HTRA1: variants seen among roughly 807,000 people sequenced by gnomAD.
HTRA1 encodes HtrA serine peptidase 1, also known as serine protease HTRA1.
A neutral mutation model predicts 49.7 loss-of-function variants in HTRA1; 26 were observed. The ratio of observed to expected loss-of-function variants is 0.52; its 90% CI spans 0.38 to 0.73. HTRA1 has a LOEUF of 0.73. Among genes scored for constraint, HTRA1 ranks in the 30% least tolerant of loss-of-function variants. HTRA1 has a pLI of 0.00. For missense variants in HTRA1, 561 were observed against 667.2 expected (o/e 0.84, Z 1.75); for synonymous variants, 291 against 286.9 (o/e 1.01, Z -0.14).
rs1043296857 is a variant in HTRA1, at chr10:122,513,532, A to T, written c.1275-659A>T. On this transcript the variant is annotated intron_variant, in intron 8 of 8. Coordinates refer to ENST00000368984, the MANE Select transcript of HTRA1 (RefSeq NM_002775.5). ...CAAAAGGAGCCCAGCATCCTGGCAC[A>T]TGCATGTAATCCCAGCTACTCAGGA... is the stretch of plus-strand genomic sequence containing the variant. 2.0e-5 allele frequency among the ~76,000 whole-genome samples: 3 copies of T among 150,768 alleles called. No homozygotes were observed. The Admixed American group carries it at 2.0e-4, about 10-fold the overall frequency.
chr10:122,471,274 G>T (rs1271855346), intron 1 of HTRA1, among the ~76,000 whole-genome samples: 1 of 152,132 alleles, frequency 6.6e-6, no homozygotes, highest in Non-Finnish European at 1.5e-5. Flanking sequence ...TCTGATAATA[G>T]CAGAAGACGC....
At chr10:122,477,920 T>C (rs1281261418) in intron 1 of HTRA1, among the ~76,000 whole-genome samples, 1 of 152,002 alleles carries the variant, frequency 6.6e-6, no homozygotes, top group Non-Finnish European at 1.5e-5. Context: ...AGACCCCACA[T>C]GGCAGAAGGA....
intron 1 of HTRA1, among the ~76,000 whole-genome samples, chr10:122,470,102 T>C (rs1472225581): frequency 6.6e-6 from 1 of 152,200 alleles, no homozygotes; most frequent in Admixed American, 6.5e-5. Context: ...GGATTGATAG[T>C]GCGGTTCAGG....
intron 1 of HTRA1, among the ~76,000 whole-genome samples, chr10:122,465,442 A>G (rs1450578838): frequency 6.6e-6 from 1 of 152,194 alleles, no homozygotes; most frequent in East Asian, 1.9e-4. Context: ...CCTGGGTTAC[A>G]GCTGGGCAGC....
chr10:122,484,733 A>G (rs1027877889), intron 1 of HTRA1, among the ~76,000 whole-genome samples: 3 of 152,228 alleles, frequency 2.0e-5, no homozygotes, highest in African/African-American at 7.2e-5. Flanking sequence ...GAGTCAGGTA[A>G]CATGTCCAAG....
chr10:122,482,400 T>A (rs2097491393), intron 1 of HTRA1, among the ~76,000 whole-genome samples: 1 of 152,168 alleles, frequency 6.6e-6, no homozygotes, highest in Non-Finnish European at 1.5e-5. Context: ...AATCTAGAGC[T>A]AGTTTACAAG....
At chr10:122,497,437 G>T (rs758775032) in intron 3 of HTRA1, among the ~76,000 whole-genome samples, 8 of 152,208 alleles carry the variant, frequency 5.3e-5, no homozygotes, top group South Asian at 2.1e-4. Context: ...GGGGCTCAAA[G>T]AAGCTCTATG....
intron 3 of HTRA1, among the ~76,000 whole-genome samples, chr10:122,491,783 C>G (rs962772226): frequency 6.6e-6 from 1 of 152,252 alleles, no homozygotes; most frequent in South Asian, 2.1e-4. Flanking sequence ...GTGTTTCAAG[C>G]CCCCCAAGAA....
intron 1 of HTRA1, among the ~76,000 whole-genome samples, chr10:122,481,837 T>A (rs1215459010): frequency 6.6e-6 from 1 of 152,164 alleles, no homozygotes; most frequent in African/African-American, 2.4e-5. Context: ...GGAGTTTCCC[T>A]GCACAAGCTC....
In HTRA1 at chr10:122,512,013, G is replaced by GTATATAAT; in HGVS notation, c.1223_1224insATATAATT (p.Ile409TyrfsTer3). On this transcript the variant is annotated frameshift_variant, in exon 8 of 9. Transcript: ENST00000368984. LOFTEE classifies it high-confidence loss of function. ...GGACCGGCACCGGGACTTCCCAGAC[G>GTATATAAT]TGATCTCAGGAGCGTATATAATTGA... is the stretch of plus-strand genomic sequence containing the variant. 6.2e-7 allele frequency: 1 copy of GTATATAAT among 1,614,018 alleles called. No homozygotes were observed. Among genetic ancestry groups the GTATATAAT allele is most frequent in the Non-Finnish European group, 8.5e-7 (1 of 1,179,958 alleles).
intron 1 of HTRA1, among the ~76,000 whole-genome samples, chr10:122,471,465 A>G (rs1447080565): frequency 6.6e-6 from 1 of 152,064 alleles, no homozygotes; most frequent in East Asian, 1.9e-4. Flanking sequence ...GACCTTTCAC[A>G]CCCATCTCTG....
intron 3 of HTRA1, among the ~76,000 whole-genome samples, chr10:122,493,616 A>G (rs1270283824): frequency 1.3e-5 from 2 of 152,176 alleles, no homozygotes; most frequent in South Asian, 4.1e-4. Context: ...AATGGGATGT[A>G]TTGAAGAAGG....
intron 1 of HTRA1, among the ~76,000 whole-genome samples, chr10:122,466,813 C>T (rs1391662387): frequency 1.3e-5 from 2 of 152,154 alleles, no homozygotes; most frequent in East Asian, 3.9e-4. Context: ...TTTTAGTCAC[C>T]TGAAACTTGG....
At position 122,512,398 on chromosome 10, in the gene HTRA1, C is replaced by T. The variant is rs577542034; in HGVS notation, c.1274+333C>T. Among the ~76,000 whole-genome samples, 6 of 152,336 alleles carry T rather than the reference C, an allele frequency of 3.9e-5. No homozygotes were observed. In the South Asian group the frequency reaches 6.2e-4, roughly 16 times the overall value. On this transcript the variant is annotated intron_variant, in intron 8 of 8. Coordinates refer to ENST00000368984, the MANE Select transcript of HTRA1 (RefSeq NM_002775.5). ...CAGGAACAGTGTCCCCAAGCCCTCA[C>T]TTGGTGGTCCTTTTCTAGGCTTCAG...
chr10:122,488,214 C>T (rs989622885), intron 1 of HTRA1, among the ~76,000 whole-genome samples: 1 of 152,096 alleles, frequency 6.6e-6, no homozygotes, highest in African/African-American at 2.4e-5. Flanking sequence ...AGGGTTGTTG[C>T]TTCTTTGTAA....
chr10:122,480,776 G>A (rs2097490645), intron 1 of HTRA1, among the ~76,000 whole-genome samples: 1 of 152,084 alleles, frequency 6.6e-6, no homozygotes, highest in African/African-American at 2.4e-5. Flanking sequence ...TATGGAATCT[G>A]AAACTTGTAC....
intron 4 of HTRA1, 29 bp from the exon 5 acceptor site, chr10:122,507,341 G>A (rs1174499103): frequency 7.5e-6 from 12 of 1,601,656 alleles, no homozygotes; most frequent in Non-Finnish European, 2.6e-6. Flanking sequence ...GACACGATTT[G>A]TAACCTTTTC....
In HTRA1 at chr10:122,464,915, G is replaced by A. The variant is rs977911825; in HGVS notation, c.472+2791G>A. ...CTGGAGTTGGAGCAAGTCATACACG[G>A]ATCTGGAGACAGAGCTCTCGAGGCA... On this transcript the variant is annotated intron_variant, in intron 1 of 8. Coordinates refer to ENST00000368984, the MANE Select transcript of HTRA1 (RefSeq NM_002775.5). The surrounding 1 kb of genome is among the most constrained non-coding windows in gnomAD (Gnocchi z 4.8). 1.3e-5 allele frequency among the ~76,000 whole-genome samples: 2 copies of A among 152,212 alleles called. No homozygotes were observed. The highest frequency in any genetic ancestry group is 2.9e-5 in the Non-Finnish European group (2 of 68,042).
rs117534801 is a variant in HTRA1 at position 122,473,557 on chromosome 10, G to A, written c.472+11433G>A. Among the ~76,000 whole-genome samples the A allele has an allele frequency of 6.1e-4, 93 of 152,198 alleles. 1 individual carries two copies. The East Asian group carries it at 0.014, about 23-fold the overall frequency. The stretch of plus-strand genomic sequence containing the variant: ...TTAAAAAAGTAAAAAGAAAGAACAC[G>A]ATTATTTTTCTTTTTAAAACAGCTT... On this transcript the variant is annotated intron_variant, in intron 1 of 8. Coordinates refer to ENST00000368984, the MANE Select transcript of HTRA1 (RefSeq NM_002775.5).
Sources: gnomAD v4.1 joint callset for allele counts (sites outside exome capture counted in the v4.1 genomes callset) on GRCh38, gnomAD v4.1.1 for gene constraint, Gnocchi (gnomAD v3.1) non-coding constraint, MANE v1.5 for transcripts, NCBI Gene and HGNC (gene_info 2026-07-23, HGNC 2026-07-21) for gene names.